DNAJC12: variants seen among roughly 807,000 people sequenced by gnomAD.
DNAJC12 encodes the protein DnaJ heat shock protein family (Hsp40) member C12, also known as dnaJ homolog subfamily C member 12.
In DNAJC12, 25 loss-of-function variants were observed where a neutral mutation model predicts 28.5. The observed-to-expected ratio is 0.88, with a 90% CI of 0.64 to 1.22. The LOEUF (loss-of-function observed/expected upper bound fraction) is 1.22. Among genes scored for constraint, DNAJC12 ranks in the 50% most tolerant of loss-of-function variants. The pLI, the probability that DNAJC12 is intolerant of heterozygous loss-of-function variation, is 0.00. For missense variants in DNAJC12, 222 were observed against 231.7 expected (o/e 0.96, Z 0.27); for synonymous variants, 77 against 80.6 (o/e 0.95, Z 0.24).
intron 2 of DNAJC12, among the ~76,000 whole-genome samples, chr10:67,819,512 G>T (rs1290372753): frequency 6.6e-6 from 1 of 151,098 alleles, no homozygotes; most frequent in Non-Finnish European, 1.5e-5. Flanking sequence ...GATGGCGCAC[G>T]CCTGTAATCC....
At chr10:67,829,262 C>A (rs927644020) in intron 1 of DNAJC12, among the ~76,000 whole-genome samples, 1 of 152,190 alleles carries the variant, frequency 6.6e-6, no homozygotes, top group Non-Finnish European at 1.5e-5. Flanking sequence ...AACTCTCCCA[C>A]CCTGAAGCCT....
At chr10:67,833,981 C>CA in intron 1 of DNAJC12, 2 of 450,044 alleles carry the variant, frequency 4.4e-6, no homozygotes, top group Admixed American at 2.6e-5. Context: ...GCCCTACTGC[C>CA]AAAAAAGGGA....
At position 67,805,661 on chromosome 10, in the gene DNAJC12, A is replaced by G; in HGVS notation, c.424T>C (p.Ser142Pro). Residue 142 changes from serine (S) to proline (P), a missense_variant, in exon 4 of 5, where the codon TCA becomes CCA. Coordinates refer to ENST00000225171, the MANE Select transcript of DNAJC12 (RefSeq NM_021800.3). ...QRERKKEELA[S>P]TAEKTEQKEP... ...TTCTGCTCCGTTTTCTCTGCGGTTG[A>G]AGCCAGCTCCTCTTTCTTTCTTTCT... The G allele has an allele frequency of 6.2e-7, 1 of 1,613,666 alleles. No homozygotes were observed. Among genetic ancestry groups the G allele is most frequent in the Non-Finnish European group, 8.5e-7 (1 of 1,179,874 alleles).
In DNAJC12 at chr10:67,806,024, T is replaced by C. The variant is rs558089288; in HGVS notation, c.298-237A>G. On this transcript the variant is annotated intron_variant, in intron 3 of 4. Coordinates refer to ENST00000225171, the MANE Select transcript of DNAJC12 (RefSeq NM_021800.3). ...CCTTTTTCATTTTCTGTTCTGTATATGTATTTCCTATTAGATCTAAAAATT... is the reference window on the plus strand; with the variant it reads ...CCTTTTTCATTTTCTGTTCTGTATACGTATTTCCTATTAGATCTAAAAATT... Among the ~76,000 whole-genome samples, 314 of 152,298 alleles carry C rather than the reference T, an allele frequency of 2.1e-3. 1 individual carries two copies. The highest frequency in any genetic ancestry group is 7.3e-3 in the African/African-American group (302 of 41,566).
intron 1 of DNAJC12, among the ~76,000 whole-genome samples, chr10:67,837,121 T>C (rs940805983): frequency 1.3e-5 from 2 of 151,952 alleles, no homozygotes; most frequent in South Asian, 4.1e-4. Flanking sequence ...GAAAGTTTAA[T>C]AGCATGGAAA....
Position 67,837,398 on chromosome 10 carries a change from GT to G in DNAJC12, c.78+535del, listed in dbSNP as rs1173601988. Among the ~76,000 whole-genome samples, 11 of 152,220 alleles carry G rather than the reference GT, an allele frequency of 7.2e-5. No homozygotes were observed. The East Asian group carries it at 1.9e-3, about 27-fold the overall frequency. On this transcript the variant is annotated intron_variant, in intron 1 of 4. Transcript: ENST00000225171. Reference sequence around the variant, plus strand: ...GTGAACAGCTACAGAGTTTTCACATGTTTTGTTTCAGAAGCCACCCTTTCAA... The same window carrying G: ...GTGAACAGCTACAGAGTTTTCACATGTTTGTTTCAGAAGCCACCCTTTCAA...
chr10:67,809,642 G>A (rs1841839406), intron 3 of DNAJC12, among the ~76,000 whole-genome samples: 8 of 152,102 alleles, frequency 5.3e-5, no homozygotes, highest in Admixed American at 5.2e-4. Context: ...ATACACCATG[G>A]AATATTACTC....
intron 1 of DNAJC12, 27 bp downstream of exon 1, chr10:67,837,907 T>A: frequency 1.3e-6 from 2 of 1,481,936 alleles, no homozygotes; most frequent in Non-Finnish European, 1.9e-6. Flanking sequence ...AATACTGTTG[T>A]GATAAAAATA....
At chr10:67,836,156 C>A (rs1430663921) in intron 1 of DNAJC12, among the ~76,000 whole-genome samples, 1 of 151,816 alleles carries the variant, frequency 6.6e-6, no homozygotes, top group Non-Finnish European at 1.5e-5. Flanking sequence ...AATGAGAGCA[C>A]ATGGACACAG....
rs558970540 is a variant in DNAJC12, at chr10:67,801,379, CT to C, written c.503-4170del. Among the ~76,000 whole-genome samples, 84 of 152,316 alleles carry C rather than the reference CT, an allele frequency of 5.5e-4. 2 individuals are homozygous for C. The South Asian group carries it at 0.017, about 30-fold the overall frequency. The stretch of plus-strand genomic sequence containing the variant: ...TGCAACAGCACTTTGATATATCCAA[CT>C]CCAGCTTTAAGGCACTAGTCAGAAA... On this transcript the variant is annotated intron_variant, in intron 4 of 4. Coordinates refer to ENST00000225171, the MANE Select transcript of DNAJC12 (RefSeq NM_021800.3).
chr10:67,819,686 GAAAGA>G (rs1564863187), intron 2 of DNAJC12, among the ~76,000 whole-genome samples: 954 of 14,600 alleles, frequency 0.065, 56 homozygotes, highest in Non-Finnish European at 0.09. Context: ...AAGAAAGAAA[GAAAGA>G]AAGAAAGGAA....
Position 67,830,226 on chromosome 10 carries a change from G to A in DNAJC12, c.79-6834C>T, listed in dbSNP as rs573202455. On this transcript the variant is annotated intron_variant, in intron 1 of 4. Coordinates refer to ENST00000225171, the MANE Select transcript of DNAJC12 (RefSeq NM_021800.3). ...CTTGGGAGGCTGAGACACAAGAATC[G>A]CTTGAGCCTGGGAGGCGGAGGTTGC... Among the ~76,000 whole-genome samples, 799 of 152,206 alleles carry A rather than the reference G, an allele frequency of 5.2e-3. 4 individuals carry two copies. The highest frequency in any genetic ancestry group is 8.5e-3 in the Non-Finnish European group (581 of 68,030).
intron 2 of DNAJC12, among the ~76,000 whole-genome samples, chr10:67,822,387 A>G (rs975227656): frequency 1.3e-5 from 2 of 152,204 alleles, no homozygotes; most frequent in African/African-American, 4.8e-5. Context: ...TAGATTTGAT[A>G]CTCAGGCAGT....
chr10:67,809,804 A>G (rs1054853393), intron 3 of DNAJC12, among the ~76,000 whole-genome samples: 1 of 152,206 alleles, frequency 6.6e-6, no homozygotes, highest in Non-Finnish European at 1.5e-5. Context: ...ACAAAAGCAT[A>G]CAGAGTGGTA....
chr10:67,800,121 C>T (rs758449136), intron 4 of DNAJC12, among the ~76,000 whole-genome samples: 6 of 139,710 alleles, frequency 4.3e-5, no homozygotes, highest in Non-Finnish European at 9.1e-5. Context: ...CATTTGGGGG[C>T]GGAGGTGGGA....
chr10:67,823,266 C>G lies in DNAJC12; in HGVS notation c.157+48G>C, dbSNP rs771666312. On this transcript the variant is annotated intron_variant, in intron 2 of 4. Transcript: ENST00000225171. The stretch of plus-strand genomic sequence containing the variant: ...AGTTACTATTCACTGGCTTTTGGTT[C>G]TATATACTACTCATTTTCTTGAGAA... The G allele has an allele frequency of 4.0e-6, 6 of 1,502,066 alleles. No individual in the cohort carries two copies. The East Asian group carries it at 1.4e-4, about 34-fold the overall frequency. The allele number at this position is 1,502,066 out of a possible 1,614,324, so 93.0% of individuals were successfully genotyped here.
In DNAJC12 at chr10:67,797,181, G is replaced by A. The variant is rs376515623; in HGVS notation, c.532C>T (p.Arg178Cys). The change falls in exon 5 of 5, where the codon CGT becomes TGT. Residue 178 changes from arginine (R) to cysteine (C), a missense_variant. Coordinates refer to ENST00000225171, the MANE Select transcript of DNAJC12 (RefSeq NM_021800.3). ...GFADVNGWHLRFRWSKDAPSE... is the reference protein window; with the variant it reads ...GFADVNGWHLCFRWSKDAPSE... ...GGAGCATCCTTGGACCAGCGGAAAC[G>A]AAGGTGCCAACCATTCACATCTGCA... 1.1e-5 allele frequency: 17 copies of A among 1,613,766 alleles called. No individual in the cohort carries two copies. Among genetic ancestry groups the A allele is most frequent in the East Asian group, 8.9e-5 (4 of 44,882 alleles).
chr10:67,815,673 C>T (rs544931729), intron 2 of DNAJC12, among the ~76,000 whole-genome samples: 7 of 152,080 alleles, frequency 4.6e-5, no homozygotes, highest in South Asian at 2.1e-4. Flanking sequence ...ATAAATGATA[C>T]GTCACTTTTT....
At chr10:67,806,268 T>C (rs1028875725) in intron 3 of DNAJC12, among the ~76,000 whole-genome samples, 1 of 152,174 alleles carries the variant, frequency 6.6e-6, no homozygotes, top group Non-Finnish European at 1.5e-5. Flanking sequence ...ACTACCTCTA[T>C]TACCACAACT....
Sources: gnomAD v4.1 joint callset for allele counts (sites outside exome capture counted in the v4.1 genomes callset) on GRCh38, gnomAD v4.1.1 for gene constraint, MANE v1.5 for transcripts, NCBI Gene and HGNC (gene_info 2026-07-23, HGNC 2026-07-21) for gene names.